Variants in CHST8 observed in about 807,000 individuals in gnomAD.
CHST8 encodes carbohydrate sulfotransferase 8, also known as GALNAC-4-ST1.
In CHST8, 10 loss-of-function variants were observed where a neutral mutation model predicts 15.0. The ratio of observed to expected loss-of-function variants is 0.67; its 90% CI spans 0.41 to 1.13. The LOEUF (loss-of-function observed/expected upper bound fraction) is 1.13. Among genes scored for constraint, CHST8 ranks in the 50% most tolerant of loss-of-function variants. CHST8 has a pLI of 0.00. For missense variants in CHST8, 634 were observed against 608.2 expected (o/e 1.04, Z -0.45); for synonymous variants, 259 against 256.6 (o/e 1.01, Z -0.09).
chr19:33,702,695 A>AG (rs1973365441), intron 3 of CHST8, among the ~76,000 whole-genome samples: 1 of 152,148 alleles, frequency 6.6e-6, no homozygotes, highest in South Asian at 2.1e-4. Flanking sequence ...AGGACCCCCG[A>AG]GGGGGATGAA....
chr19:33,647,465 G>A (rs953731449), intron 1 of CHST8, among the ~76,000 whole-genome samples: 1 of 152,186 alleles, frequency 6.6e-6, no homozygotes, highest in Non-Finnish European at 1.5e-5. Context: ...TCTGATTTTG[G>A]TGAGTATATG....
chr19:33,725,255 G>T (rs2145316837), intron 3 of CHST8, among the ~76,000 whole-genome samples: 1 of 152,174 alleles, frequency 6.6e-6, no homozygotes, highest in South Asian at 2.1e-4. Flanking sequence ...TTTCTCCTTG[G>T]CTCCTGACTG....
At chr19:33,654,152 A>G (rs1972481205) in intron 1 of CHST8, among the ~76,000 whole-genome samples, 1 of 152,120 alleles carries the variant, frequency 6.6e-6, no homozygotes, top group Admixed American at 6.5e-5. Context: ...TTTAATTTTA[A>G]TCACTATATT....
chr19:33,762,304 TGTG>T (rs1974748987), intron 3 of CHST8, among the ~76,000 whole-genome samples: 1 of 152,116 alleles, frequency 6.6e-6, no homozygotes, highest in African/African-American at 2.4e-5. Context: ...GGTGGGTAGA[TGTG>T]GCGCAGGCGG....
chr19:33,707,470 G>A (rs284340), intron 3 of CHST8, among the ~76,000 whole-genome samples: 5,601 of 152,106 alleles, frequency 0.037, 317 homozygotes, highest in African/African-American at 0.12. Flanking sequence ...TCACTATAGC[G>A]CTACCCTTTC....
intron 3 of CHST8, among the ~76,000 whole-genome samples, chr19:33,764,842 C>T (rs1017594404): frequency 6.6e-6 from 1 of 152,004 alleles, no homozygotes; most frequent in Non-Finnish European, 1.5e-5. Context: ...CCTTCACCCC[C>T]TTCCCACCCT....
intron 2 of CHST8, among the ~76,000 whole-genome samples, chr19:33,688,766 G>A (rs1015912110): frequency 2.4e-4 from 37 of 152,172 alleles, no homozygotes; most frequent in African/African-American, 8.7e-4. Flanking sequence ...ACCGGGCCGG[G>A]TACCAGGGAC....
rs1363730540 is a variant in CHST8, at chr19:33,773,009, C to T, written c.1221C>T (p.Tyr407=). 8 of 1,612,538 alleles carry T rather than the reference C, an allele frequency of 5.0e-6. No homozygotes were observed. Among genetic ancestry groups the T allele is most frequent in the Non-Finnish European group, 5.9e-6 (7 of 1,180,004 alleles). The part of the protein sequence containing the change: ...ALQRQRTYDF[Y]YMDYLMFNYS... ...AAAGGCAGCGCACCTACGACTTCTA[C>T]TACATGGATTACCTGATGTTCAACT... Residue 407 remains tyrosine, a synonymous_variant, in exon 5 of 5, where the codon TAC becomes TAT. Coordinates refer to ENST00000650847, the MANE Select transcript of CHST8 (RefSeq NM_001127895.2).
chr19:33,754,709 G>C (rs949498852), intron 3 of CHST8, among the ~76,000 whole-genome samples: 2 of 152,234 alleles, frequency 1.3e-5, no homozygotes, highest in Admixed American at 1.3e-4. Context: ...TGTCCCAGCT[G>C]TCAGAGGCAG....
At chr19:33,736,617 A>G (rs931835837) in intron 3 of CHST8, among the ~76,000 whole-genome samples, 1 of 152,058 alleles carries the variant, frequency 6.6e-6, no homozygotes, top group Non-Finnish European at 1.5e-5. Context: ...CTCTGGGGAC[A>G]TGGGGCAATA....
At chr19:33,672,974 C>T (rs917010323) in intron 2 of CHST8, among the ~76,000 whole-genome samples, 1 of 152,198 alleles carries the variant, frequency 6.6e-6, no homozygotes, top group Non-Finnish European at 1.5e-5. Context: ...AGGTCCACCA[C>T]TCCCTGTGAC....
intron 3 of CHST8, among the ~76,000 whole-genome samples, chr19:33,755,401 G>A (rs562518139): frequency 1.3e-5 from 2 of 152,268 alleles, no homozygotes; most frequent in Middle Eastern, 3.4e-3. Context: ...GTAATCCTCC[G>A]GACATAAATC....
intron 2 of CHST8, among the ~76,000 whole-genome samples, chr19:33,677,522 C>G (rs1489433002): frequency 6.6e-6 from 1 of 152,176 alleles, no homozygotes; most frequent in African/African-American, 2.4e-5. Flanking sequence ...GCAGAGAGGA[C>G]TGGGACCCAG....
chr19:33,690,141 G>T (rs1973071885), intron 3 of CHST8, among the ~76,000 whole-genome samples: 1 of 152,176 alleles, frequency 6.6e-6, no homozygotes, highest in Non-Finnish European at 1.5e-5. Flanking sequence ...AGGGAGAGGA[G>T]GGGAGGTGTC....
chr19:33,728,589 G>A lies in CHST8; in HGVS notation c.130+39198G>A, dbSNP rs1420736206. Among the ~76,000 whole-genome samples the A allele has an allele frequency of 4.6e-5, 7 of 152,220 alleles. No homozygotes were observed. In the East Asian group the frequency reaches 1.3e-3, roughly 29 times the overall value. ...CAAGAGAGAACCCCGCATGGCCTCT[G>A]ATATTTGGGTGTGGTTCGATGAGCA... On this transcript the variant is annotated intron_variant, in intron 3 of 4. Transcript: ENST00000650847.
chr19:33,662,417 A>G (rs1972599740), intron 1 of CHST8, among the ~76,000 whole-genome samples: 3 of 152,144 alleles, frequency 2.0e-5, no homozygotes, highest in Admixed American at 1.3e-4. Flanking sequence ...ACCCAGCTAC[A>G]TCCTTGCCTG....
chr19:33,663,597 G>T (rs1972613198), intron 1 of CHST8, among the ~76,000 whole-genome samples: 1 of 152,246 alleles, frequency 6.6e-6, no homozygotes, highest in East Asian at 1.9e-4. Flanking sequence ...GGGGCCAGGT[G>T]CAGTGGCTCA....
At position 33,671,809 on chromosome 19, in the gene CHST8, AG is replaced by A. The variant is rs559488680; in HGVS notation, c.-87+3968del. ...GCTTGGAGTGGAATTCTATGAGGGC[AG>A]GATCTTTGTTTTGTTCATGAATGGA... On this transcript the variant is annotated intron_variant, in intron 2 of 4. Coordinates refer to ENST00000650847, the MANE Select transcript of CHST8 (RefSeq NM_001127895.2). Among the ~76,000 whole-genome samples the A allele has an allele frequency of 2.2e-3, 341 of 151,956 alleles. 4 individuals carry two copies. The highest frequency in any genetic ancestry group is 7.8e-3 in the African/African-American group (322 of 41,462).
intron 2 of CHST8, among the ~76,000 whole-genome samples, chr19:33,674,150 G>A (rs1384325402): frequency 6.6e-6 from 1 of 152,226 alleles, no homozygotes; most frequent in Non-Finnish European, 1.5e-5. Flanking sequence ...TCCTTGCACT[G>A]GGATGGAGGG....
Sources: gnomAD v4.1 joint callset for allele counts (sites outside exome capture counted in the v4.1 genomes callset) on GRCh38, gnomAD v4.1.1 for gene constraint, MANE v1.5 for transcripts, NCBI Gene and HGNC (gene_info 2026-07-23, HGNC 2026-07-21) for gene names.